VPS39: variants seen among roughly 807,000 people sequenced by gnomAD.
VPS39 encodes the protein vam6/Vps39-like protein.
Under a neutral mutation model 121.0 loss-of-function variants are expected in VPS39, and 70 were observed. That is an observed-to-expected ratio of 0.58 (90% CI 0.48 to 0.71). The LOEUF (loss-of-function observed/expected upper bound fraction) is 0.71, where lower values mean the gene tolerates loss of function less well. Ranked by LOEUF, VPS39 falls within the 30% of genes least tolerant of loss-of-function variation. VPS39 has a pLI of 0.00. For missense variants in VPS39, 818 were observed against 1,051.5 expected (o/e 0.78, Z 3.07); for synonymous variants, 378 against 398.1 (o/e 0.95, Z 0.60).
At position 42,188,646 on chromosome 15, in the gene VPS39, CCAA is replaced by C. The variant is rs146637974; in HGVS notation, c.342+465_342+467del. On this transcript the variant is annotated intron_variant, in intron 5 of 24. Coordinates refer to ENST00000318006, the MANE Select transcript of VPS39 (RefSeq NM_015289.5). ...AAACGCTTCAACTTCACACTATGCA[CCAA>C]CAGAGAAATTTCTCTAATACAATTA... Among the ~76,000 whole-genome samples, 917 of 152,246 alleles carry C rather than the reference CCAA, an allele frequency of 6.0e-3. 9 individuals are homozygous for C. The highest frequency in any genetic ancestry group is 0.021 in the African/African-American group (879 of 41,528).
At chr15:42,178,120 C>G in intron 10 of VPS39, 98 bp downstream of exon 10, 1 of 1,543,500 alleles carries the variant, frequency 6.5e-7, no homozygotes, top group Non-Finnish European at 8.8e-7. Context: ...CAGCTATGTG[C>G]TTATTCTACT....
At chr15:42,166,351 C>A (rs2049242317) in intron 15 of VPS39, 119 bp from the exon 16 acceptor site, 1 of 1,207,486 alleles carries the variant, frequency 8.3e-7, no homozygotes, top group Non-Finnish European at 1.2e-6. Flanking sequence ...CAAGCATGAG[C>A]CACTTGGGGT....
chr15:42,166,138 C>A lies in VPS39; in HGVS notation c.1680+21G>T, dbSNP rs183843392. ...GAACCAAGTGTTTACCAGATAAATC[C>A]AAGGGACTCCTGTGGCTCACCTTCA... On this transcript the variant is annotated intron_variant, in intron 16 of 24. Transcript: ENST00000318006. 4.8e-5 allele frequency: 78 copies of A among 1,611,344 alleles called. No homozygotes were observed. The African/African-American group carries it at 1.0e-3, about 21-fold the overall frequency.
At chr15:42,164,331 G>A in intron 19 of VPS39, 27 bp downstream of exon 19, 1 of 1,613,436 alleles carries the variant, frequency 6.2e-7, no homozygotes, top group Non-Finnish European at 8.5e-7. Context: ...CGCTGAAGTG[G>A]CTTCTGGCCC....
intron 23 of VPS39, 109 bp downstream of exon 23, chr15:42,161,923 G>A: frequency 6.3e-7 from 1 of 1,592,804 alleles, no homozygotes; most frequent in Non-Finnish European, 8.6e-7. Flanking sequence ...TACTGGATCA[G>A]CTTGAGCTGC....
chr15:42,189,173 G>C lies in VPS39; in HGVS notation c.283C>G (p.Gln95Glu). 6.2e-7 allele frequency: 1 copy of C among 1,613,850 alleles called. No individual in the cohort carries two copies. Among genetic ancestry groups the C allele is most frequent in the Non-Finnish European group, 8.5e-7 (1 of 1,179,802 alleles). The change falls in exon 5 of 25, where the codon CAA (glutamine) becomes GAA (glutamate). Residue 95 changes from glutamine (Q) to glutamate (E), a missense_variant. By Grantham distance (29) the Gln-to-Glu change is conservative. Coordinates refer to ENST00000318006, the MANE Select transcript of VPS39 (RefSeq NM_015289.5). The part of the protein sequence containing the change: ...NIYVHDLLTF[Q>E]QITTVSKAKG... ...GCCTTTGAAACCGTAGTGATTTGTT[G>C]AAATGTCAATAGGTCATGGACATAA...
intron 10 of VPS39, among the ~76,000 whole-genome samples, 167 bp downstream of exon 10, chr15:42,178,047 CACTT>C (rs10608401): frequency 0.13 from 19,863 of 152,166 alleles, 1,573 homozygotes; most frequent in South Asian, 0.24. Context: ...AAAGTAAACT[CACTT>C]AGAGTTACAT....
intron 11 of VPS39, among the ~76,000 whole-genome samples, chr15:42,172,978 A>G (rs1259877708): frequency 6.6e-6 from 1 of 152,242 alleles, no homozygotes; most frequent in East Asian, 1.9e-4. Flanking sequence ...GAAGAGGAGA[A>G]AAGAGGAGAT....
intron 1 of VPS39, among the ~76,000 whole-genome samples, chr15:42,204,413 G>A (rs1377751789): frequency 2.0e-5 from 3 of 152,212 alleles, no homozygotes; most frequent in Admixed American, 6.5e-5. Flanking sequence ...ACTTTGGGAG[G>A]CCGAGGTGGG....
chr15:42,163,164 G>A (rs1169525410), intron 21 of VPS39, among the ~76,000 whole-genome samples, 186 bp downstream of exon 21: 6 of 152,068 alleles, frequency 3.9e-5, no homozygotes, highest in Admixed American at 2.6e-4. Context: ...AAAGATATAC[G>A]CCAGAACTAC....
At chr15:42,173,167 G>A (rs1239953002) in intron 11 of VPS39, among the ~76,000 whole-genome samples, 1 of 152,188 alleles carries the variant, frequency 6.6e-6, no homozygotes, top group African/African-American at 2.4e-5. Context: ...AATCCTTATA[G>A]CAGCACTCTA....
intron 2 of VPS39, among the ~76,000 whole-genome samples, chr15:42,199,146 C>T (rs1368717117): frequency 1.3e-5 from 2 of 152,108 alleles, no homozygotes; most frequent in Non-Finnish European, 2.9e-5. Context: ...TAGAGTGGCT[C>T]CAGGGCATAA....
chr15:42,185,767 T>C (rs950109210), intron 7 of VPS39, among the ~76,000 whole-genome samples: 5 of 152,136 alleles, frequency 3.3e-5, no homozygotes, highest in Admixed American at 2.0e-4. Context: ...TGAGGGAATT[T>C]TGGGGGGTGA....
chr15:42,162,206 C>T (rs2049142839), intron 22 of VPS39, 40 bp from the exon 23 acceptor site: 2 of 1,612,668 alleles, frequency 1.2e-6, no homozygotes, highest in African/African-American at 2.7e-5. Flanking sequence ...GTGAGGTGAA[C>T]AGGAGTGAGA....
chr15:42,203,279 G>A (rs2050103427), intron 1 of VPS39, among the ~76,000 whole-genome samples: 1 of 152,020 alleles, frequency 6.6e-6, no homozygotes, highest in Non-Finnish European at 1.5e-5. Context: ...GACCAGTCTG[G>A]CCAACACAGT....
chr15:42,184,618 T>C lies in VPS39; in HGVS notation c.617A>G (p.Lys206Arg), dbSNP rs1451902663. 6.2e-7 allele frequency: 1 copy of C among 1,614,186 alleles called. No individual in the cohort carries two copies. The highest frequency in any genetic ancestry group is 8.5e-7 in the Non-Finnish European group (1 of 1,180,034). Reference protein sequence around the residue: ...EPLVAPLADGKVAVGQDDLTV... With the variant: ...EPLVAPLADGRVAVGQDDLTV... The stretch of plus-strand genomic sequence containing the variant: ...GAGATCATCCTGGCCCACAGCCACT[T>C]TTCCATCTGCCAGAGGTGCAACTAA... The change falls in exon 8 of 25, where the codon AAA becomes AGA. Residue 206 changes from lysine (K) to arginine (R), a missense_variant. Physicochemically the swap from Lys to Arg is conservative, Grantham distance 26. Coordinates refer to ENST00000318006, the MANE Select transcript of VPS39 (RefSeq NM_015289.5).
chr15:42,170,212 A>G lies in VPS39; in HGVS notation c.1091-346T>C, dbSNP rs112977436. Among the ~76,000 whole-genome samples, 475 of 152,306 alleles carry G rather than the reference A, an allele frequency of 3.1e-3. 3 individuals are homozygous for G. The highest frequency in any genetic ancestry group is 0.01 in the African/African-American group (416 of 41,572). The stretch of plus-strand genomic sequence containing the variant: ...AGATCAAGAGACTCAACAATAAAAA[A>G]TTTAAGTCAAAAAAAGAAACATTAC... On this transcript the variant is annotated intron_variant, in intron 11 of 24. Coordinates refer to ENST00000318006, the MANE Select transcript of VPS39 (RefSeq NM_015289.5).
At chr15:42,188,957 C>T (rs1373214660) in intron 5 of VPS39, among the ~76,000 whole-genome samples, 157 bp downstream of exon 5, 1 of 152,122 alleles carries the variant, frequency 6.6e-6, no homozygotes, top group Non-Finnish European at 1.5e-5. Context: ...CAGAACAAGA[C>T]TCCATCTCAG....
At chr15:42,196,422 T>A (rs536056275) in intron 2 of VPS39, among the ~76,000 whole-genome samples, 1 of 152,282 alleles carries the variant, frequency 6.6e-6, no homozygotes, top group African/African-American at 2.4e-5. Context: ...AATCTACTCA[T>A]CTGACAAAGG....
Sources: allele counts gnomAD v4.1 joint callset (sites outside exome capture counted in the v4.1 genomes callset), GRCh38; gene constraint gnomAD v4.1.1; transcripts MANE v1.5; gene names NCBI Gene and HGNC (gene_info 2026-07-23, HGNC 2026-07-21).